The following TRPC6 variants were observed in gnomAD, a reference collection of about 807,000 sequenced individuals.
The protein encoded by TRPC6 is short transient receptor potential channel 6.
TRPC6 carries 55 observed loss-of-function variants against 90.7 expected under a neutral mutation model. The observed-to-expected ratio is 0.61, with a 90% confidence interval of 0.49 to 0.76. TRPC6 has a LOEUF of 0.76. TRPC6 is among the 30% of genes least tolerant of loss of function. The pLI is 0.00. For synonymous variants in TRPC6, 393 were observed against 393.0 expected, an observed-to-expected ratio of 1.00 and a Z score of 0.00; for missense variants, 989 against 1,122.7, an observed-to-expected ratio of 0.88 and a Z score of 1.70.
intron 4 of TRPC6, 30 bp downstream of exon 4, chr11:101,488,907 A>T (rs1201198696): frequency 6.2e-7 from 1 of 1,613,556 alleles, no homozygotes; most frequent in South Asian, 1.1e-5. Context: ...TTTCTAGTAG[A>T]TAATAGAGGT....
chr11:101,529,477 C>A (rs1860859091), intron 1 of TRPC6, among the ~76,000 whole-genome samples: 1 of 152,208 alleles, frequency 6.6e-6, no homozygotes, highest in South Asian at 2.1e-4. Context: ...GGACTTCGGA[C>A]ATACATAGTA....
intron 2 of TRPC6, among the ~76,000 whole-genome samples, chr11:101,501,363 C>T (rs1860119770): frequency 6.6e-6 from 1 of 151,578 alleles, no homozygotes; most frequent in African/African-American, 2.4e-5. Context: ...TTTAAACTTC[C>T]TTCATTTTTA....
intron 1 of TRPC6, among the ~76,000 whole-genome samples, chr11:101,542,876 G>A (rs1425721734): frequency 6.6e-6 from 1 of 152,016 alleles, no homozygotes; most frequent in Non-Finnish European, 1.5e-5. Context: ...TGTGACCTTA[G>A]ATTAGCAAAG....
At chr11:101,486,825 C>CA (rs1859688247) in intron 4 of TRPC6, among the ~76,000 whole-genome samples, 1 of 152,014 alleles carries the variant, frequency 6.6e-6, no homozygotes, top group Non-Finnish European at 1.5e-5. Flanking sequence ...TCCCCTCCCA[C>CA]AAAAAATCCT....
At chr11:101,552,433 A>G (rs1315071113) in intron 1 of TRPC6, among the ~76,000 whole-genome samples, 1 of 152,110 alleles carries the variant, frequency 6.6e-6, no homozygotes, top group Non-Finnish European at 1.5e-5. Flanking sequence ...TCAGCAGTTT[A>G]TATGTCAAGA....
At chr11:101,535,157 T>A (rs1861008097) in intron 1 of TRPC6, among the ~76,000 whole-genome samples, 1 of 141,838 alleles carries the variant, frequency 7.1e-6, no homozygotes, top group African/African-American at 2.7e-5. Flanking sequence ...CAGAGCAAGA[T>A]TCTGTCAGAA....
At chr11:101,533,283 C>T (rs1860954032) in intron 1 of TRPC6, among the ~76,000 whole-genome samples, 1 of 152,124 alleles carries the variant, frequency 6.6e-6, no homozygotes, top group South Asian at 2.1e-4. Context: ...TCTGGGGAGG[C>T]CTCACGAGGC....
At chr11:101,475,185 G>T (rs72984259) in intron 6 of TRPC6, among the ~76,000 whole-genome samples, 17,081 of 152,082 alleles carry the variant, frequency 0.11, 1,342 homozygotes, top group African/African-American at 0.23. Context: ...CTAATTCTAA[G>T]CCTGGTTGGG....
intron 2 of TRPC6, among the ~76,000 whole-genome samples, chr11:101,494,511 G>A (rs1565216313): frequency 6.6e-6 from 1 of 152,136 alleles, no homozygotes; most frequent in Non-Finnish European, 1.5e-5. Flanking sequence ...ATACCATGGA[G>A]CTGAGACAAA....
intron 1 of TRPC6, among the ~76,000 whole-genome samples, chr11:101,582,156 A>C (rs1264810581): frequency 6.6e-6 from 1 of 152,254 alleles, no homozygotes; most frequent in Admixed American, 6.5e-5. Context: ...CTTGCACAGC[A>C]CACAGATGAA....
At chr11:101,573,303 G>GCGTAGAACAGTAAAGGTAAAAGCAAA (rs1230604074) in intron 1 of TRPC6, among the ~76,000 whole-genome samples, 2 of 149,218 alleles carry the variant, frequency 1.3e-5, no homozygotes, top group Admixed American at 1.3e-4. Context: ...TTCAGAGGAA[G>GCGTAGAACAGTAAAGGTAAAAGCAAA]CGTAGAACAG....
chr11:101,547,921 C>T (rs918560910), intron 1 of TRPC6, among the ~76,000 whole-genome samples: 1 of 152,088 alleles, frequency 6.6e-6, no homozygotes, highest in Non-Finnish European at 1.5e-5. Flanking sequence ...CTAGACAATT[C>T]TGACACCAAA....
intron 1 of TRPC6, among the ~76,000 whole-genome samples, chr11:101,511,438 G>A (rs908462244): frequency 5.9e-5 from 9 of 151,994 alleles, no homozygotes; most frequent in East Asian, 3.9e-4. Flanking sequence ...AATCCCTCCC[G>A]TTAAAGGAAT....
chr11:101,471,503 T>C lies in TRPC6; in HGVS notation c.2206-117A>G. 3 of 1,068,558 alleles carry C rather than the reference T, an allele frequency of 2.8e-6. No individual in the cohort carries two copies. The Admixed American group carries it at 5.6e-5, about 20-fold the overall frequency. 66.2% of individuals were successfully genotyped at this position (1,068,558 alleles called of 1,614,324 possible). ...GCCTATAAACACTCTCAGACCCCAG[T>C]GATCGTTCCAAGATTTTTTCAAAAT... is the stretch of plus-strand genomic sequence containing the variant. On this transcript the variant is annotated intron_variant, in intron 8 of 12. Transcript: ENST00000344327.
intron 1 of TRPC6, among the ~76,000 whole-genome samples, chr11:101,571,786 A>G (rs1465435989): frequency 6.6e-6 from 1 of 152,230 alleles, no homozygotes; most frequent in African/African-American, 2.4e-5. Flanking sequence ...TCCCTATTTA[A>G]TAAATGGTGT....
At position 101,536,404 on chromosome 11, in the gene TRPC6, C is replaced by A. The variant is rs555009197; in HGVS notation, c.171-31606G>T. Among the ~76,000 whole-genome samples the A allele has an allele frequency of 4.0e-5, 6 of 149,640 alleles. No homozygotes were observed. The South Asian group carries it at 1.1e-3, about 27-fold the overall frequency. ...TCGATCCCCCAGCCCCTCCCTCCCC[C>A]CCACCAAAAAAAAAGAAAGAAAAGA... On this transcript the variant is annotated intron_variant, in intron 1 of 12. Transcript: ENST00000344327.
chr11:101,514,546 A>G (rs905375827), intron 1 of TRPC6, among the ~76,000 whole-genome samples: 2 of 152,208 alleles, frequency 1.3e-5, no homozygotes, highest in Non-Finnish European at 1.5e-5. Flanking sequence ...GCTGGAACAC[A>G]TAAGAGTTCC....
At chr11:101,482,438 A>G (rs1161544647) in intron 5 of TRPC6, among the ~76,000 whole-genome samples, 1 of 152,246 alleles carries the variant, frequency 6.6e-6, no homozygotes, top group African/African-American at 2.4e-5. Context: ...CTTGATCCTT[A>G]GATAAATCCT....
intron 1 of TRPC6, among the ~76,000 whole-genome samples, chr11:101,515,602 GT>G (rs34558105): frequency 0.49 from 74,540 of 151,956 alleles, 18,635 homozygotes; most frequent in African/African-American, 0.55. Context: ...GTTTGTCACA[GT>G]TTTTAGGAGT....
Sources: allele counts gnomAD v4.1 joint callset (sites outside exome capture counted in the v4.1 genomes callset), GRCh38; gene constraint gnomAD v4.1.1; transcripts MANE v1.5; gene names NCBI Gene and HGNC (gene_info 2026-07-23, HGNC 2026-07-21).